GAS7: variants seen among roughly 807,000 people sequenced by gnomAD.
The protein encoded by GAS7 is growth arrest specific 7, also known as growth arrest-specific protein 7.
A neutral mutation model predicts 71.1 loss-of-function variants in GAS7; 28 were observed. The ratio of observed to expected loss-of-function variants is 0.39; its 90% confidence interval spans 0.29 to 0.54. GAS7 has a LOEUF of 0.54. Among genes scored for constraint, GAS7 ranks in the 20% least tolerant of loss-of-function variants. The pLI is 0.62. For missense variants in GAS7, 436 were observed against 627.8 expected, an observed-to-expected ratio of 0.69 and a Z score of 3.27; for synonymous variants, 258 against 245.8, an observed-to-expected ratio of 1.05 and a Z score of -0.46.
intron 1 of GAS7, among the ~76,000 whole-genome samples, chr17:10,125,391 C>T (rs552582810): frequency 1.3e-5 from 2 of 151,966 alleles, no homozygotes; most frequent in East Asian, 1.9e-4. Context: ...ATGGTGTGCA[C>T]CTGTAATCCC....
chr17:10,001,605 T>C (rs1597654391), intron 2 of GAS7, among the ~76,000 whole-genome samples: 1 of 151,792 alleles, frequency 6.6e-6, no homozygotes, highest in East Asian at 1.9e-4. Context: ...CTAGCCCAAC[T>C]CTCTCTTTTA....
At chr17:10,015,029 T>C (rs1459633225) in intron 2 of GAS7, among the ~76,000 whole-genome samples, 1 of 151,726 alleles carries the variant, frequency 6.6e-6, no homozygotes, top group African/African-American at 2.4e-5. Context: ...GTGGCGCATG[T>C]CTGTAATCCC....
chr17:10,038,524 A>G (rs1340064894), intron 1 of GAS7, among the ~76,000 whole-genome samples: 1 of 152,206 alleles, frequency 6.6e-6, no homozygotes, highest in Non-Finnish European at 1.5e-5. Flanking sequence ...CATATGGTCC[A>G]GCAATTCCAT....
rs992140532 is a variant in GAS7, at chr17:9,912,138, G to A, written c.*5090C>T. On this transcript the variant is annotated 3_prime_UTR_variant, in exon 14 of 14. Coordinates refer to ENST00000432992, the MANE Select transcript of GAS7 (RefSeq NM_201433.2). ...TCATTACTTGCACTGTCTTTGGGGG[G>A]TCCTAGGAGAAACTACCTCATTCTT... 4.3e-5 allele frequency: 10 copies of A among 232,124 alleles called. No individual in the cohort carries two copies. The highest frequency in any genetic ancestry group is 1.8e-4 in the African/African-American group (8 of 45,282). 14.4% of individuals were successfully genotyped at this position (232,124 alleles called of 1,614,324 possible).
In GAS7 at chr17:10,127,212, T is replaced by C. The variant is rs73275904; in HGVS notation, c.183+70996A>G. Among the ~76,000 whole-genome samples, 1,046 of 152,282 alleles carry C rather than the reference T, an allele frequency of 6.9e-3. 6 individuals are homozygous for C. Among genetic ancestry groups the C allele is most frequent in the African/African-American group, 0.024 (993 of 41,552 alleles). On this transcript the variant is annotated intron_variant, in intron 1 of 13. Coordinates refer to ENST00000432992, the MANE Select transcript of GAS7 (RefSeq NM_201433.2). Reference sequence around the variant, plus strand: ...ACCTTCCACGGCTCTGGACAGTGAGTTAACAGGAAGCCCTGGGAAGAAGAA... The same window carrying C: ...ACCTTCCACGGCTCTGGACAGTGAGCTAACAGGAAGCCCTGGGAAGAAGAA...
intron 11 of GAS7, among the ~76,000 whole-genome samples, chr17:9,923,716 A>G (rs1242120995): frequency 6.6e-6 from 1 of 152,254 alleles, no homozygotes; most frequent in Non-Finnish European, 1.5e-5. Flanking sequence ...CTCTCTGGAA[A>G]GCAATTTGGA....
intron 1 of GAS7, among the ~76,000 whole-genome samples, chr17:10,179,228 C>G (rs1265001362): frequency 6.6e-6 from 1 of 151,988 alleles, no homozygotes; most frequent in Non-Finnish European, 1.5e-5. Flanking sequence ...ACTCTGGAGG[C>G]TGAGGCAGGA....
intron 9 of GAS7, among the ~76,000 whole-genome samples, chr17:9,932,825 G>A (rs1281088313): frequency 3.3e-5 from 5 of 152,172 alleles, no homozygotes; most frequent in Non-Finnish European, 5.9e-5. Flanking sequence ...GAATAGGACA[G>A]AAACACCCTG....
chr17:9,924,051 G>T (rs778121563), intron 11 of GAS7, among the ~76,000 whole-genome samples: 1 of 152,184 alleles, frequency 6.6e-6, no homozygotes, highest in Non-Finnish European at 1.5e-5. Context: ...ATGATCAAAT[G>T]TATATAAATT....
chr17:10,066,266 C>T (rs1338574905), intron 1 of GAS7, among the ~76,000 whole-genome samples: 4 of 152,124 alleles, frequency 2.6e-5, no homozygotes, highest in African/African-American at 7.2e-5. Flanking sequence ...CCACAACCTC[C>T]GCCTCCCGGG....
At chr17:10,148,677 T>C (rs898542665) in intron 1 of GAS7, among the ~76,000 whole-genome samples, 2 of 150,142 alleles carry the variant, frequency 1.3e-5, no homozygotes, top group Non-Finnish European at 3.0e-5. Context: ...TCTGGGAGGC[T>C]GAGGTGGGCG....
intron 8 of GAS7, among the ~76,000 whole-genome samples, chr17:9,934,925 G>A (rs1312320727): frequency 1.3e-5 from 2 of 152,074 alleles, no homozygotes; most frequent in African/African-American, 2.4e-5. Context: ...TAGTAGAGAC[G>A]GGGTTTTGCC....
chr17:10,140,169 T>C (rs1006827685), intron 1 of GAS7, among the ~76,000 whole-genome samples: 1 of 152,202 alleles, frequency 6.6e-6, no homozygotes, highest in African/African-American at 2.4e-5. Context: ...AACTCTCTTT[T>C]AAAATGCAGG....
chr17:10,050,459 T>C (rs979946287), intron 1 of GAS7, among the ~76,000 whole-genome samples: 11 of 152,098 alleles, frequency 7.2e-5, no homozygotes, highest in African/African-American at 2.2e-4. Context: ...GTCTCCCCAG[T>C]ACCCACACAG....
At chr17:10,050,052 A>G (rs923900083) in intron 1 of GAS7, among the ~76,000 whole-genome samples, 3 of 152,186 alleles carry the variant, frequency 2.0e-5, no homozygotes, top group Non-Finnish European at 4.4e-5. Flanking sequence ...GTTTTTCTAT[A>G]TTTTCCATGT....
chr17:10,114,071 C>T (rs546309064), intron 1 of GAS7, among the ~76,000 whole-genome samples: 4 of 152,100 alleles, frequency 2.6e-5, no homozygotes, highest in South Asian at 2.1e-4. Context: ...TGCACCACCA[C>T]GCCTGGCTAA....
Position 9,959,334 on chromosome 17 carries a change from G to C in GAS7, c.472-79C>G. On this transcript the variant is annotated intron_variant, in intron 4 of 13. Coordinates refer to ENST00000432992, the MANE Select transcript of GAS7 (RefSeq NM_201433.2). This position sits in a 1 kb window ranked among gnomAD's most constrained non-coding sequence, Gnocchi z 5.0. ...TTTCCCCCCATTCAGGTTCCCTGAG[G>C]GTGGAGGCGCTGGGGAATCAGGGAT... 1 of 1,603,122 alleles carries C rather than the reference G, an allele frequency of 6.2e-7. No homozygotes were observed. The highest frequency in any genetic ancestry group is 8.5e-7 in the Non-Finnish European group (1 of 1,174,308).
intron 1 of GAS7, among the ~76,000 whole-genome samples, chr17:10,087,725 T>G (rs1326078449): frequency 6.6e-6 from 1 of 152,102 alleles, no homozygotes; most frequent in Non-Finnish European, 1.5e-5. Context: ...CTCTTTATCA[T>G]AGAGAAAAGG....
intron 1 of GAS7, among the ~76,000 whole-genome samples, chr17:10,163,837 C>T (rs2074273548): frequency 6.6e-6 from 1 of 152,170 alleles, no homozygotes; most frequent in South Asian, 2.1e-4. Context: ...AGGTCAGTTA[C>T]TCCAGTCCTC....
Sources: gnomAD v4.1 joint callset for allele counts (sites outside exome capture counted in the v4.1 genomes callset) on GRCh38, gnomAD v4.1.1 for gene constraint, Gnocchi (gnomAD v3.1) non-coding constraint, MANE v1.5 for transcripts, NCBI Gene and HGNC (gene_info 2026-07-23, HGNC 2026-07-21) for gene names.